SLIT1: variants seen among roughly 807,000 people sequenced by gnomAD.
The protein encoded by SLIT1 is slit guidance ligand 1, also known as slit homolog 1 protein.
Under a neutral mutation model 186.1 loss-of-function variants are expected in SLIT1, and 66 were observed. The observed-to-expected ratio is 0.35, with a 90% CI of 0.29 to 0.44. The LOEUF (loss-of-function observed/expected upper bound fraction) is 0.44. SLIT1 is among the 20% of genes least tolerant of loss of function. The pLI is 1.00. For missense variants in SLIT1, 1,638 were observed against 2,037.4 expected (o/e 0.80, Z 3.77); for synonymous variants, 761 against 833.8 (o/e 0.91, Z 1.50).
rs985845522 is a variant in SLIT1, at chr10:97,038,351, G to A, written c.2298-585C>T. On this transcript the variant is annotated intron_variant, in intron 21 of 36. Coordinates refer to ENST00000266058, the MANE Select transcript of SLIT1 (RefSeq NM_003061.3). ...CTTTCCTTGCACTCTCATGCCACCC[G>A]CCGACTGTGCACCACCACCCATGCC... Among the ~76,000 whole-genome samples, 11 of 151,950 alleles carry A rather than the reference G, an allele frequency of 7.2e-5. No homozygotes were observed. In the South Asian group the frequency reaches 8.3e-4, roughly 12 times the overall value.
chr10:97,175,754 C>T (rs1015974165), intron 1 of SLIT1, among the ~76,000 whole-genome samples: 3 of 152,244 alleles, frequency 2.0e-5, no homozygotes, highest in African/African-American at 4.8e-5. Flanking sequence ...ACTGACAGCC[C>T]CTAGGCCTCC....
rs1849945886 is a variant in SLIT1 at position 97,155,975 on chromosome 10, G to A, written c.413+1843C>T. ...GCATGGACCACATAGACCAGTGCAT[G>A]GCCCACAGGTTCAACAGACATTACC... On this transcript the variant is annotated intron_variant, in intron 4 of 36. Coordinates refer to ENST00000266058, the MANE Select transcript of SLIT1 (RefSeq NM_003061.3). 2.6e-5 allele frequency among the ~76,000 whole-genome samples: 4 copies of A among 152,230 alleles called. No homozygotes were observed. In the South Asian group the frequency reaches 8.3e-4, roughly 31 times the overall value.
rs1056884328 is a variant in SLIT1 at position 97,010,992 on chromosome 10, C to T, written c.3341+1G>A. The T allele has an allele frequency of 1.2e-6, 2 of 1,613,896 alleles. No homozygotes were observed. The highest frequency in any genetic ancestry group is 1.7e-6 in the Non-Finnish European group (2 of 1,179,802). ...TCCTAGTGTGTCCAGGGGCTGCTCA[C>T]CTGTAGCCCTCAGCACAGAGGCAGG... On this transcript the variant is annotated splice_donor_variant, in intron 31 of 36. Transcript: ENST00000266058. LOFTEE classifies it high-confidence loss of function. This position sits in a 1 kb window ranked among gnomAD's most constrained non-coding sequence, Gnocchi z 4.8.
chr10:97,166,358 T>C (rs573122561), intron 1 of SLIT1, among the ~76,000 whole-genome samples: 1 of 150,884 alleles, frequency 6.6e-6, no homozygotes, highest in Non-Finnish European at 1.5e-5. Flanking sequence ...CTACTAAAAA[T>C]ACAAAAAAAT....
chr10:97,014,694 CTG>C (rs1360443723), intron 28 of SLIT1, among the ~76,000 whole-genome samples: 2 of 152,136 alleles, frequency 1.3e-5, no homozygotes, highest in Non-Finnish European at 2.9e-5. Context: ...TGGGGAAACG[CTG>C]TCTCTATTAA....
intron 13 of SLIT1, among the ~76,000 whole-genome samples, chr10:97,054,196 A>G (rs1209716796): frequency 1.3e-5 from 2 of 151,750 alleles, no homozygotes; most frequent in African/African-American, 4.8e-5. Flanking sequence ...TGCCCTTGTG[A>G]TAATGAGTGA....
At chr10:97,089,772 T>C (rs1444679391) in intron 4 of SLIT1, among the ~76,000 whole-genome samples, 4 of 152,062 alleles carry the variant, frequency 2.6e-5, no homozygotes, top group Admixed American at 6.5e-5. Context: ...GGAGGATGGC[T>C]CATGTTCTGT....
intron 1 of SLIT1, among the ~76,000 whole-genome samples, chr10:97,181,594 C>T (rs1246306649): frequency 6.6e-6 from 1 of 152,150 alleles, no homozygotes; most frequent in Non-Finnish European, 1.5e-5. Flanking sequence ...CCTGTAATCC[C>T]AGCACTTTGG....
At chr10:97,100,976 A>C (rs1849347301) in intron 4 of SLIT1, among the ~76,000 whole-genome samples, 1 of 152,190 alleles carries the variant, frequency 6.6e-6, no homozygotes, top group Non-Finnish European at 1.5e-5. Flanking sequence ...GCCCACCTAC[A>C]AGAGCAGAAA....
intron 4 of SLIT1, among the ~76,000 whole-genome samples, chr10:97,119,941 A>ATG (rs1554852205): frequency 1.9e-4 from 26 of 137,236 alleles, no homozygotes; most frequent in African/African-American, 5.5e-4. Context: ...ATATATATAT[A>ATG]TATATGTATA....
At chr10:97,020,659 C>T (rs1304765527) in intron 26 of SLIT1, among the ~76,000 whole-genome samples, 2 of 152,256 alleles carry the variant, frequency 1.3e-5, no homozygotes, top group African/African-American at 4.8e-5. Context: ...CAGTGTCCTC[C>T]CCCCGCTGTA....
intron 11 of SLIT1, among the ~76,000 whole-genome samples, chr10:97,058,761 A>C (rs566010426): frequency 6.6e-6 from 1 of 152,298 alleles, no homozygotes; most frequent in South Asian, 2.1e-4. Flanking sequence ...CTCATCCCCT[A>C]GAGTAACAAA....
In SLIT1 at chr10:97,006,395, C is replaced by T. The variant is rs1848359534; in HGVS notation, c.3579+88G>A. The T allele has an allele frequency of 2.7e-5, 23 of 859,098 alleles. No homozygotes were observed. The highest frequency in any genetic ancestry group is 1.4e-4 in the Admixed American group (7 of 49,180). The allele number at this position is 859,098 out of a possible 1,614,324, so 53.2% of individuals were successfully genotyped here. Reference sequence around the variant, plus strand: ...AGAGTCCTTCCAGTTCCCCAGGCACCATGCAGGGATGTATCCTGATGCTCT... The same window carrying T: ...AGAGTCCTTCCAGTTCCCCAGGCACTATGCAGGGATGTATCCTGATGCTCT... On this transcript the variant is annotated intron_variant, in intron 32 of 36. Transcript: ENST00000266058. This position sits in a 1 kb window ranked among gnomAD's most constrained non-coding sequence, Gnocchi z 4.0.
chr10:97,125,635 T>G (rs1849597459), intron 4 of SLIT1, among the ~76,000 whole-genome samples: 1 of 151,314 alleles, frequency 6.6e-6, no homozygotes, highest in Admixed American at 6.6e-5. Flanking sequence ...GGTCAGGAGT[T>G]AGAGACCAGC....
chr10:97,053,131 C>A (rs1357964149), intron 13 of SLIT1, among the ~76,000 whole-genome samples: 1 of 152,182 alleles, frequency 6.6e-6, no homozygotes, highest in African/African-American at 2.4e-5. Flanking sequence ...AAGCACCTAC[C>A]TTCATAGCAT....
intron 4 of SLIT1, chr10:97,103,599 C>T (rs954240102): frequency 4.6e-5 from 7 of 152,220 alleles, no homozygotes; most frequent in Non-Finnish European, 8.8e-5. Context: ...ATCTGAAAAG[C>T]GCACAGTGTG....
chr10:97,139,762 AC>A (rs1356187188), intron 4 of SLIT1, among the ~76,000 whole-genome samples: 1 of 151,892 alleles, frequency 6.6e-6, no homozygotes, highest in East Asian at 1.9e-4. Flanking sequence ...GAATAGGAAA[AC>A]CCTATCTTTG....
intron 1 of SLIT1, among the ~76,000 whole-genome samples, chr10:97,168,226 C>T (rs1391050750): frequency 6.6e-6 from 1 of 151,996 alleles, no homozygotes; most frequent in Non-Finnish European, 1.5e-5. Context: ...ATATAATATC[C>T]ATAATACCCA....
At chr10:97,180,117 C>T (rs1850314928) in intron 1 of SLIT1, among the ~76,000 whole-genome samples, 1 of 152,218 alleles carries the variant, frequency 6.6e-6, no homozygotes, top group Admixed American at 6.5e-5. Context: ...ATCAGCCCCT[C>T]CCCTTGTGCT....
Sources: allele counts gnomAD v4.1 joint callset (sites outside exome capture counted in the v4.1 genomes callset), GRCh38; gene constraint gnomAD v4.1.1; non-coding constraint Gnocchi (gnomAD v3.1); transcripts MANE v1.5; gene names NCBI Gene and HGNC (gene_info 2026-07-23, HGNC 2026-07-21).